Variants in CR1 observed in about 807,000 individuals in gnomAD.
The protein encoded by CR1 is complement C3b/C4b receptor 1 (Knops blood group).
CR1 carries 116 observed loss-of-function variants against 187.3 expected under a neutral mutation model. That is an observed-to-expected ratio of 0.62 (90% confidence interval 0.53 to 0.72). CR1 has a LOEUF of 0.72. Ranked by LOEUF, CR1 falls within the 30% of genes least tolerant of loss-of-function variation. The probability of loss-of-function intolerance (pLI) is 0.00; values close to 1 mark genes in which losing one functional copy is unlikely to be tolerated. For synonymous variants in CR1, 576 were observed against 747.1 expected (o/e 0.77, Z 3.73); for missense variants, 1,731 against 2,110.7 (o/e 0.82, Z 3.52).
At chr1:207,508,734 T>A (rs1472085004) in intron 3 of CR1, among the ~76,000 whole-genome samples, 2 of 152,022 alleles carry the variant, frequency 1.3e-5, no homozygotes, top group African/African-American at 2.4e-5. Context: ...TTTTTTTTTT[T>A]AAAGTTCCTA....
At chr1:207,576,792 C>T (rs1200358110) in intron 28 of CR1, among the ~76,000 whole-genome samples, 2 of 152,102 alleles carry the variant, frequency 1.3e-5, no homozygotes, top group African/African-American at 4.8e-5. Flanking sequence ...TGCACTCCAG[C>T]CCGGGCAGCA....
chr1:207,578,134 A>G lies in CR1; in HGVS notation c.4867A>G (p.Lys1623Glu), dbSNP rs778158566. 3 of 1,611,844 alleles carry G rather than the reference A, an allele frequency of 1.9e-6. No individual in the cohort carries two copies. The East Asian group carries it at 6.7e-5, about 36-fold the overall frequency. Residue 1623 changes from lysine (K) to glutamate (E), a missense_variant, in exon 29 of 47, where the codon AAA becomes GAA. By Grantham distance (56) the Lys-to-Glu change is moderately conservative. Transcript: ENST00000367049. ...EFRCQPGFVM[K>E]GPRRVKCQAL... The stretch of plus-strand genomic sequence containing the variant: ...TAGGTGTCAGCCTGGCTTTGTCATG[A>G]AAGGACCCCGCCGTGTGAAGTGCCA...
chr1:207,595,336 G>A lies in CR1; in HGVS notation c.5810+6562G>A, dbSNP rs145822373. Reference sequence around the variant, plus strand: ...TAGAAGCATTAATTAGCACATAATGGAAGACAATTTCTCAGGCTATAAAGA... The same window carrying A: ...TAGAAGCATTAATTAGCACATAATGAAAGACAATTTCTCAGGCTATAAAGA... On this transcript the variant is annotated intron_variant, in intron 35 of 46. Transcript: ENST00000367049. Among the ~76,000 whole-genome samples the A allele has an allele frequency of 1.4e-4, 21 of 152,046 alleles. No individual in the cohort carries two copies. The East Asian group carries it at 2.3e-3, about 17-fold the overall frequency.
chr1:207,520,994 G>A (rs1462909802), intron 4 of CR1, among the ~76,000 whole-genome samples: 2 of 12,078 alleles, frequency 1.7e-4, no homozygotes, highest in African/African-American at 2.9e-4. Context: ...TTTTTTTTTT[G>A]ACAGAATTTC....
chr1:207,580,658 G>GTCCC, intron 31 of CR1, 45 bp downstream of exon 31: 1 of 1,535,678 alleles, frequency 6.5e-7, no homozygotes, highest in Non-Finnish European at 9.0e-7. Context: ...GCACTGCAGA[G>GTCCC]TGACTCTTGA....
chr1:207,641,605 C>G lies in CR1; in HGVS notation c.*2196C>G, dbSNP rs1054104287. ...CATCTGAAAAGCAGGGGCTGGACAC[C>G]AATTGCCCTATGAAGCTATTGCTAG... On this transcript the variant is annotated 3_prime_UTR_variant, in exon 47 of 47. Transcript: ENST00000367049. 5 of 152,182 alleles carry G rather than the reference C, an allele frequency of 3.3e-5. No individual in the cohort carries two copies. The highest frequency in any genetic ancestry group is 7.3e-5 in the Non-Finnish European group (5 of 68,046). 9.4% of individuals were successfully genotyped at this position (152,182 alleles called of 1,614,324 possible).
intron 35 of CR1, among the ~76,000 whole-genome samples, chr1:207,597,231 A>G (rs4844608): frequency 0.2 from 30,699 of 152,008 alleles, 3,393 homozygotes; most frequent in South Asian, 0.44. Flanking sequence ...AATAAAAAGG[A>G]AAGAACACTA....
At chr1:207,606,874 T>C (rs1240428793) in intron 35 of CR1, among the ~76,000 whole-genome samples, 4 of 152,192 alleles carry the variant, frequency 2.6e-5, no homozygotes, top group African/African-American at 9.6e-5. Context: ...GGTGCTATAG[T>C]GTTAAATATT....
At chr1:207,565,766 G>C (rs1367626998) in intron 23 of CR1, 72 bp from the exon 24 acceptor site, 1 of 1,593,444 alleles carries the variant, frequency 6.3e-7, no homozygotes, top group Non-Finnish European at 8.6e-7. Context: ...AATTGGGGCT[G>C]GGCCTTAGAT....
At chr1:207,632,797 C>CAAAAAAAAAAAAAAAAAAAAAAAAAA (rs55649027) in intron 46 of CR1, among the ~76,000 whole-genome samples, 1 of 107,658 alleles carries the variant, frequency 9.3e-6, no homozygotes, top group African/African-American at 4.4e-5. Context: ...GACTCCGTCT[C>CAAAAAAAAAAAAAAAAAAAAAAAAAA]AAAAAAAAAA....
chr1:207,581,399 T>C (rs562287627), intron 31 of CR1, among the ~76,000 whole-genome samples: 36 of 149,958 alleles, frequency 2.4e-4, no homozygotes, highest in African/African-American at 8.4e-4. Flanking sequence ...TATATACATA[T>C]GTATATACAT....
intron 24 of CR1, among the ~76,000 whole-genome samples, chr1:207,566,633 T>G (rs1199170824): frequency 6.7e-6 from 1 of 150,168 alleles, no homozygotes; most frequent in Non-Finnish European, 1.5e-5. Flanking sequence ...AGTTTGAGAC[T>G]CCTTAAATTC....
chr1:207,496,461 C>T, intron 1 of CR1, 73 bp downstream of exon 1: 2 of 1,455,982 alleles, frequency 1.4e-6, no homozygotes, highest in South Asian at 1.3e-5. Context: ...AACTCGCGTG[C>T]AGCGCTGAGC....
At chr1:207,621,790 G>A (rs1182545310) in intron 43 of CR1, among the ~76,000 whole-genome samples, 183 bp from the exon 44 acceptor site, 2 of 152,118 alleles carry the variant, frequency 1.3e-5, no homozygotes, top group Non-Finnish European at 2.9e-5. Context: ...ATTTTTAAAA[G>A]TCTTCTCTGA....
chr1:207,513,780 CTTCT>C lies in CR1; in HGVS notation c.487+2130_487+2133del, dbSNP rs1177750126. Among the ~76,000 whole-genome samples, 845 of 123,340 alleles carry C rather than the reference CTTCT, an allele frequency of 6.9e-3. 42 individuals are homozygous for C. The highest frequency in any genetic ancestry group is 0.026 in the African/African-American group (794 of 30,790). 80.9% of individuals were successfully genotyped at this position (123,340 alleles called of 152,430 possible). The stretch of plus-strand genomic sequence containing the variant: ...CCTCCCTCCCTTCCTTCCTTCCTTC[CTTCT>C]TTCCTTCCTTCCTTCCTTCCTTCCC... On this transcript the variant is annotated intron_variant, in intron 4 of 46. Transcript: ENST00000367049.
intron 1 of CR1, among the ~76,000 whole-genome samples, chr1:207,497,117 G>A (rs193201164): frequency 2.2e-4 from 34 of 152,308 alleles, no homozygotes; most frequent in Non-Finnish European, 4.7e-4. Context: ...ATGCATGCCA[G>A]GCACTTGCGG....
At chr1:207,618,773 C>T (rs1662221147) in intron 42 of CR1, among the ~76,000 whole-genome samples, 2 of 152,032 alleles carry the variant, frequency 1.3e-5, no homozygotes, top group East Asian at 1.9e-4. Context: ...AGTCTGGGTG[C>T]GGTGGCTCAC....
intron 35 of CR1, chr1:207,600,950 T>C (rs1383045389): frequency 6.6e-6 from 1 of 152,136 alleles, no homozygotes; most frequent in Admixed American, 6.5e-5. Flanking sequence ...ATGCCAAAAC[T>C]GTCCTCAGAG....
Position 207,523,833 on chromosome 1 carries a change from A to C in CR1, c.710A>C (p.Lys237Thr). The C allele has an allele frequency of 6.2e-7, 1 of 1,611,508 alleles. No homozygotes were observed. The highest frequency in any genetic ancestry group is 8.5e-7 in the Non-Finnish European group (1 of 1,179,400). Reference sequence around the variant, plus strand: ...GCCCCTCAGTGCATTATACCTAACAAATGCACGCCTCCAAATGTGGAAAAT... The same window carrying C: ...GCCCCTCAGTGCATTATACCTAACACATGCACGCCTCCAAATGTGGAAAAT... ...GPAPQCIIPN[K>T]CTPPNVENGI... The change falls in exon 5 of 47, where the codon AAA becomes ACA. Residue 237 changes from lysine (K) to threonine (T), a missense_variant. This residue lies in a region of CR1 where 131 missense variants were observed against 196.8 expected (regional missense o/e 0.67). Transcript: ENST00000367049.
Sources: gnomAD v4.1 joint callset for allele counts (sites outside exome capture counted in the v4.1 genomes callset) on GRCh38, gnomAD v4.1.1 for gene constraint, gnomAD v4.1.1 regional missense constraint, MANE v1.5 for transcripts, NCBI Gene and HGNC (gene_info 2026-07-23, HGNC 2026-07-21) for gene names.